The following ZSWIM9 variants were observed in gnomAD, a reference collection of about 807,000 sequenced individuals.
The protein encoded by ZSWIM9 is zinc finger SWIM-type containing 9, also known as uncharacterized protein ZSWIM9.
A neutral mutation model predicts 25.0 loss-of-function variants in ZSWIM9; 11 were observed. The observed-to-expected ratio is 0.44, with a 90% CI of 0.28 to 0.73. The LOEUF is 0.73. Ranked by LOEUF, ZSWIM9 falls within the 30% of genes least tolerant of loss-of-function variation. ZSWIM9 has a pLI of 0.16. For synonymous variants in ZSWIM9, 562 were observed against 582.1 expected, an observed-to-expected ratio of 0.97 and a Z score of 0.50; for missense variants, 1,070 against 1,296.5, an observed-to-expected ratio of 0.83 and a Z score of 2.68.
intron 3 of ZSWIM9, among the ~76,000 whole-genome samples, chr19:48,185,126 C>A (rs924463113): frequency 4.7e-5 from 7 of 149,698 alleles, no homozygotes; most frequent in African/African-American, 1.7e-4. Flanking sequence ...GTGTTTTGAC[C>A]TGCTTTCATA....
intron 3 of ZSWIM9, chr19:48,183,077 C>G (rs559050550): frequency 5.9e-6 from 2 of 337,754 alleles, no homozygotes; most frequent in African/African-American, 4.3e-5. Flanking sequence ...TGAAATGTGT[C>G]CAGTACACTG....
chr19:48,187,535 T>TATTATATA (rs2037038267), intron 3 of ZSWIM9: 2 of 36,644 alleles, frequency 5.5e-5, no homozygotes, highest in South Asian at 8.0e-4. Context: ...TATTATATTA[T>TATTATATA]TATTATATTA....
intron 3 of ZSWIM9, among the ~76,000 whole-genome samples, chr19:48,188,695 T>G (rs1436399051): frequency 2.0e-5 from 3 of 152,118 alleles, no homozygotes; most frequent in Non-Finnish European, 4.4e-5. Flanking sequence ...ATGCTTTGCC[T>G]TCTGAGAATG....
Position 48,195,530 on chromosome 19 carries a change from G to T in ZSWIM9, c.1466G>T (p.Gly489Val). The T allele has an allele frequency of 7.1e-7, 1 of 1,414,698 alleles. No homozygotes were observed. Among genetic ancestry groups the T allele is most frequent in the Non-Finnish European group, 9.2e-7 (1 of 1,091,066 alleles). The allele number at this position is 1,414,698 out of a possible 1,614,324, so 87.6% of individuals were successfully genotyped here. A position where few individuals can be genotyped will look rare whatever the true frequency, so the allele number is the denominator to read the frequency against. Residue 489 changes from glycine to valine, a missense_variant, in exon 4 of 4, where the codon GGA becomes GTA. Gly to Val is a moderately radical substitution (Grantham distance 109). Transcript: ENST00000614654. This position sits in a 1 kb window ranked among gnomAD's most constrained non-coding sequence, Gnocchi z 5.8. ...CCGAAAGAAGGAAGTATTTGGAGGG[G>T]AGCCCAGATGGAGAAGGAGTGGGCA... ...GAPKEGSIWR[G>V]AQMEKEWARA...
At chr19:48,175,135 A>G (rs558584930) in intron 2 of ZSWIM9, among the ~76,000 whole-genome samples, 21 of 152,266 alleles carry the variant, frequency 1.4e-4, no homozygotes, top group African/African-American at 4.8e-4. Flanking sequence ...TTATGTATGT[A>G]TAGTATGTGA....
At position 48,176,369 on chromosome 19, in the gene ZSWIM9, T is replaced by C. The variant is rs75240730; in HGVS notation, c.275+4292T>C. Among the ~76,000 whole-genome samples, 1,294 of 152,282 alleles carry C rather than the reference T, an allele frequency of 8.5e-3. 14 individuals are homozygous for C. The highest frequency in any genetic ancestry group is 0.018 in the South Asian group (85 of 4,828). ...TTTAATCCTCTTATTTAGCCCTCTC[T>C]ACAAGCCTGAGAGACTAGTATTACT... On this transcript the variant is annotated intron_variant, in intron 2 of 3. Transcript: ENST00000614654.
intron 3 of ZSWIM9, among the ~76,000 whole-genome samples, chr19:48,192,305 C>T (rs896121709): frequency 2.5e-4 from 37 of 149,930 alleles, no homozygotes; most frequent in Admixed American, 3.3e-4. Context: ...CAAAAATTAG[C>T]CAGGCGTGGT....
intron 3 of ZSWIM9, among the ~76,000 whole-genome samples, chr19:48,185,182 C>G (rs1321689239): frequency 1.3e-5 from 2 of 150,408 alleles, no homozygotes; most frequent in African/African-American, 4.9e-5. Flanking sequence ...TCTTGTCACC[C>G]AGGCTGGAGT....
At chr19:48,190,412 GC>G (rs953369104) in intron 3 of ZSWIM9, 1 of 154,790 alleles carries the variant, frequency 6.5e-6, no homozygotes, top group Non-Finnish European at 1.5e-5. Context: ...CACTTACACA[GC>G]CACCACGGGA....
Position 48,194,760 on chromosome 19 carries a change from C to T in ZSWIM9, c.696C>T (p.Asp232=), listed in dbSNP as rs1279926651. The T allele has an allele frequency of 3.3e-6, 5 of 1,533,340 alleles. No homozygotes were observed. The East Asian group carries it at 1.2e-4, about 38-fold the overall frequency. The allele number at this position is 1,533,340 out of a possible 1,614,324, so 95.0% of individuals were successfully genotyped here. Residue 232 remains aspartate (D), a synonymous_variant, in exon 4 of 4, where the codon GAC becomes GAT. Coordinates refer to ENST00000614654, the MANE Select transcript of ZSWIM9 (RefSeq NM_199341.4). The surrounding 1 kb of genome is among the most constrained non-coding windows in gnomAD (Gnocchi z 6.0). Reference sequence around the variant, plus strand: ...GCTTCCCTCGCATGCTGCTGGTGGACCGGCTGCCGGGGCTGCAGGGCGCGC... The same window carrying T: ...GCTTCCCTCGCATGCTGCTGGTGGATCGGCTGCCGGGGCTGCAGGGCGCGC... ...LRRFPRMLLV[D]RLPGLQGALD... is the part of the protein sequence containing the mutation.
At chr19:48,191,611 G>A (rs367858099) in intron 3 of ZSWIM9, among the ~76,000 whole-genome samples, 9 of 152,116 alleles carry the variant, frequency 5.9e-5, no homozygotes, top group Admixed American at 4.6e-4. Flanking sequence ...CTCACGTGTC[G>A]GAAGAGGTGT....
At chr19:48,188,239 T>C (rs545493125) in intron 3 of ZSWIM9, among the ~76,000 whole-genome samples, 15 of 152,060 alleles carry the variant, frequency 9.9e-5, no homozygotes, top group Admixed American at 2.0e-4. Flanking sequence ...TTTTTTTTTT[T>C]TGAGATGGAG....
intron 3 of ZSWIM9, chr19:48,190,398 T>C (rs2037079648): frequency 6.5e-6 from 1 of 154,756 alleles, no homozygotes; most frequent in South Asian, 2.0e-4. Context: ...TTTTATTTCT[T>C]GCTCACTTAC....
At chr19:48,187,382 A>AATAT (rs10687725) in intron 3 of ZSWIM9, among the ~76,000 whole-genome samples, 2 of 111,066 alleles carry the variant, frequency 1.8e-5, no homozygotes, top group East Asian at 2.3e-4. Flanking sequence ...AGTATAATGT[A>AATAT]ATAATTAATA....
chr19:48,197,123 CAGAA>C lies in ZSWIM9; in HGVS notation c.*297_*300del. 1 of 650,322 alleles carries C rather than the reference CAGAA, an allele frequency of 1.5e-6. No individual in the cohort carries two copies. Among genetic ancestry groups the C allele is most frequent in the Non-Finnish European group, 2.7e-6 (1 of 364,586 alleles). 40.3% of individuals were successfully genotyped at this position (650,322 alleles called of 1,614,324 possible). A position where few individuals can be genotyped will look rare whatever the true frequency, so the allele number is the denominator to read the frequency against. ...AGGTGTAGACAGGGTCAGGCTGGGA[CAGAA>C]GGAAGGAAAGGGGCAGAGCTGGGGG... On this transcript the variant is annotated 3_prime_UTR_variant, in exon 4 of 4. Transcript: ENST00000614654.
In ZSWIM9 at chr19:48,195,352, C is replaced by T. The variant is rs1474473878; in HGVS notation, c.1288C>T (p.Leu430=). Residue 430 remains leucine, a synonymous_variant, in exon 4 of 4, where the codon CTG becomes TTG. Coordinates refer to ENST00000614654, the MANE Select transcript of ZSWIM9 (RefSeq NM_199341.4). The surrounding 1 kb of genome is among the most constrained non-coding windows in gnomAD (Gnocchi z 5.8). ...TGGCGTGGCGCAGTGCCTTCGCGAC[C>T]TGGTGGCCATGCAGTGGGCCGACGC... is the stretch of plus-strand genomic sequence containing the variant. ...SRGVAQCLRD[L]VAMQWADAAG... is the part of the protein sequence containing the mutation. 1.3e-6 allele frequency: 2 copies of T among 1,525,230 alleles called. No homozygotes were observed. Among genetic ancestry groups the T allele is most frequent in the East Asian group, 5.0e-5 (2 of 39,970 alleles). The allele number at this position is 1,525,230 out of a possible 1,614,324, so 94.5% of individuals were successfully genotyped here.
intron 2 of ZSWIM9, among the ~76,000 whole-genome samples, chr19:48,175,806 C>G (rs915226563): frequency 1.3e-5 from 2 of 152,224 alleles, no homozygotes; most frequent in Non-Finnish European, 1.5e-5. Context: ...GTTCCTCCCC[C>G]ATCCCTCTCT....
At chr19:48,175,192 G>A (rs1400374371) in intron 2 of ZSWIM9, among the ~76,000 whole-genome samples, 1 of 152,192 alleles carries the variant, frequency 6.6e-6, no homozygotes, top group Non-Finnish European at 1.5e-5. Flanking sequence ...TGTCCCAAGT[G>A]CTCTACAAAT....
At chr19:48,192,115 T>A (rs1266829198) in intron 3 of ZSWIM9, 4 of 154,288 alleles carry the variant, frequency 2.6e-5, no homozygotes, top group Admixed American at 2.0e-4. Context: ...AACCTTCTTT[T>A]TTATATTTAT....
Sources: gnomAD v4.1 joint callset for allele counts (sites outside exome capture counted in the v4.1 genomes callset) on GRCh38, gnomAD v4.1.1 for gene constraint, Gnocchi (gnomAD v3.1) non-coding constraint, MANE v1.5 for transcripts, NCBI Gene and HGNC (gene_info 2026-07-23, HGNC 2026-07-21) for gene names.